MAPK14: variants seen among roughly 807,000 people sequenced by gnomAD.
MAPK14 encodes CSAID-binding protein.
Under a neutral mutation model 49.6 loss-of-function variants are expected in MAPK14, and 16 were observed. The ratio of observed to expected loss-of-function variants is 0.32; its 90% CI spans 0.22 to 0.49. MAPK14 has a LOEUF of 0.49. Among genes scored for constraint, MAPK14 ranks in the 20% least tolerant of loss-of-function variants. MAPK14 has a pLI of 0.99. For synonymous variants in MAPK14, 142 were observed against 158.0 expected, an observed-to-expected ratio of 0.90 and a Z score of 0.76; for missense variants, 200 against 441.2, an observed-to-expected ratio of 0.45 and a Z score of 4.90.
intron 6 of MAPK14, among the ~76,000 whole-genome samples, chr6:36,074,950 G>T (rs1007609216): frequency 6.6e-6 from 1 of 151,884 alleles, no homozygotes; most frequent in Non-Finnish European, 1.5e-5. Context: ...TTTATGGCCA[G>T]GCGTGGTGGC....
chr6:36,064,269 T>TA (rs1763949640), intron 3 of MAPK14, among the ~76,000 whole-genome samples: 3 of 48,654 alleles, frequency 6.2e-5, no homozygotes, highest in Non-Finnish European at 1.5e-4. Flanking sequence ...TGAGCCACCA[T>TA]GCCCCCCCCC....
chr6:36,040,147 G>A (rs1445360692), intron 1 of MAPK14, among the ~76,000 whole-genome samples: 1 of 152,142 alleles, frequency 6.6e-6, no homozygotes, highest in Non-Finnish European at 1.5e-5. Context: ...ATAACCCAGG[G>A]TAATTCAACC....
rs114155931 is a variant in MAPK14, at chr6:36,051,050, G to A, written c.117-1649G>A. Among the ~76,000 whole-genome samples the A allele has an allele frequency of 3.2e-3, 489 of 152,124 alleles. 3 individuals are homozygous for A. Among genetic ancestry groups the A allele is most frequent in the African/African-American group, 0.011 (449 of 41,492 alleles). On this transcript the variant is annotated intron_variant, in intron 1 of 11. Coordinates refer to ENST00000229794, the MANE Select transcript of MAPK14 (RefSeq NM_139012.3). Reference sequence around the variant, plus strand: ...GATGACCAGAAAGTCTTGGATACATGTTAGAGACTGAGACAAACTGGAGGA... The same window carrying A: ...GATGACCAGAAAGTCTTGGATACATATTAGAGACTGAGACAAACTGGAGGA...
In MAPK14 at chr6:36,064,271, C is replaced by CG. The variant is rs770689879; in HGVS notation, c.305+4924_305+4925insG. On this transcript the variant is annotated intron_variant, in intron 3 of 11. Transcript: ENST00000229794. Reference sequence around the variant, plus strand: ...GGGATTACAGATATGAGCCACCATGCCCCCCCCCACCCCTTTTTCTTAACT... The same window carrying CG: ...GGGATTACAGATATGAGCCACCATGCGCCCCCCCCACCCCTTTTTCTTAACT... Among the ~76,000 whole-genome samples, 15 of 8,520 alleles carry CG rather than the reference C, an allele frequency of 1.8e-3. No individual in the cohort carries two copies. The Admixed American group carries it at 0.027, about 15-fold the overall frequency. The allele number at this position is 8,520 out of a possible 152,430, so 5.6% of individuals were successfully genotyped here.
chr6:36,084,906 A>G (rs1764917702), intron 8 of MAPK14, among the ~76,000 whole-genome samples: 1 of 151,144 alleles, frequency 6.6e-6, no homozygotes. Flanking sequence ...TGAAGGAAAA[A>G]ATACTAAGGG....
At chr6:36,084,163 A>G (rs1175739345) in intron 8 of MAPK14, among the ~76,000 whole-genome samples, 1 of 152,212 alleles carries the variant, frequency 6.6e-6, no homozygotes, top group Non-Finnish European at 1.5e-5. Flanking sequence ...CAACATCAAC[A>G]AAAAGGTCCC....
rs1581756168 is a variant in MAPK14, at chr6:36,052,904, G to A, written c.246+76G>A. Reference sequence around the variant, plus strand: ...GAAAAATGTTTTAATTACTGCAGATGGAAATACGCTGGAGTGCATCAAACG... The same window carrying A: ...GAAAAATGTTTTAATTACTGCAGATAGAAATACGCTGGAGTGCATCAAACG... On this transcript the variant is annotated intron_variant, in intron 2 of 11. Transcript: ENST00000229794. The A allele has an allele frequency of 5.2e-6, 7 of 1,345,496 alleles. No individual in the cohort carries two copies. The East Asian group carries it at 1.7e-4, about 33-fold the overall frequency. 83.3% of individuals were successfully genotyped at this position (1,345,496 alleles called of 1,614,324 possible). A position where few individuals can be genotyped will look rare whatever the true frequency, so the allele number is the denominator to read the frequency against.
intron 8 of MAPK14, among the ~76,000 whole-genome samples, chr6:36,093,635 C>T (rs1249474464): frequency 2.1e-5 from 3 of 143,584 alleles, no homozygotes; most frequent in East Asian, 2.2e-4. Context: ...AGGAGAATGG[C>T]GTGAACCTGG....
At chr6:36,075,302 C>T (rs1173629051) in intron 6 of MAPK14, among the ~76,000 whole-genome samples, 1 of 151,230 alleles carries the variant, frequency 6.6e-6, no homozygotes, top group Admixed American at 6.6e-5. Context: ...CTAACTCTGG[C>T]TCCAGGCAAC....
chr6:36,092,056 T>A, intron 8 of MAPK14: 1 of 484,228 alleles, frequency 2.1e-6, no homozygotes, highest in Admixed American at 2.1e-5. Context: ...AGCATGGGAA[T>A]AGACTTTGGC....
rs544666686 is a variant in MAPK14, at chr6:36,064,309, T to G, written c.305+4962T>G. On this transcript the variant is annotated intron_variant, in intron 3 of 11. Coordinates refer to ENST00000229794, the MANE Select transcript of MAPK14 (RefSeq NM_139012.3). The stretch of plus-strand genomic sequence containing the variant: ...CTTTTTCTTAACTGTAGTGGTTCTT[T>G]GCGCAAGCATAGTAGACAAGAATTT... Among the ~76,000 whole-genome samples the G allele has an allele frequency of 2.3e-5, 3 of 133,310 alleles. No individual in the cohort carries two copies. In the Admixed American group the frequency reaches 2.6e-4, roughly 12 times the overall value. The allele number at this position is 133,310 out of a possible 152,430, so 87.5% of individuals were successfully genotyped here. A position where few individuals can be genotyped will look rare whatever the true frequency, so the allele number is the denominator to read the frequency against.
chr6:36,074,944 T>C (rs898526037), intron 6 of MAPK14, among the ~76,000 whole-genome samples: 4 of 150,002 alleles, frequency 2.7e-5, no homozygotes, highest in Non-Finnish European at 5.9e-5. Context: ...AAAAAGTTTA[T>C]GGCCAGGCGT....
At chr6:36,083,806 T>C (rs1764863589) in intron 8 of MAPK14, among the ~76,000 whole-genome samples, 1 of 152,162 alleles carries the variant, frequency 6.6e-6, no homozygotes, top group East Asian at 1.9e-4. Flanking sequence ...GCAGTCTGGA[T>C]GAGTGAGATT....
At chr6:36,111,630 C>T (rs929953600), downstream of MAPK14, among the ~76,000 whole-genome samples, 3 of 152,060 alleles carry the variant, frequency 2.0e-5, no homozygotes, top group Non-Finnish European at 4.4e-5. Flanking sequence ...GATGAAAGAG[C>T]CACGGGGTCT....
chr6:36,052,902 A>G lies in MAPK14; in HGVS notation c.246+74A>G, dbSNP rs1763458203. 8.8e-6 allele frequency: 12 copies of G among 1,367,668 alleles called. No individual in the cohort carries two copies. In the Admixed American group the frequency reaches 9.6e-5, roughly 11 times the overall value. The allele number at this position is 1,367,668 out of a possible 1,614,324, so 84.7% of individuals were successfully genotyped here. The stretch of plus-strand genomic sequence containing the variant: ...GGGAAAAATGTTTTAATTACTGCAG[A>G]TGGAAATACGCTGGAGTGCATCAAA... On this transcript the variant is annotated intron_variant, in intron 2 of 11. Coordinates refer to ENST00000229794, the MANE Select transcript of MAPK14 (RefSeq NM_139012.3).
intron 1 of MAPK14, among the ~76,000 whole-genome samples, chr6:36,046,254 T>C (rs1038988310): frequency 6.6e-6 from 1 of 152,214 alleles, no homozygotes; most frequent in Non-Finnish European, 1.5e-5. Flanking sequence ...TGTGAATTAA[T>C]TTGATAATTT....
At position 36,109,286 on chromosome 6, in the gene MAPK14, G is replaced by A. The variant is rs1765894647; in HGVS notation, c.*839G>A. On this transcript the variant is annotated 3_prime_UTR_variant, in exon 12 of 12. Coordinates refer to ENST00000229794, the MANE Select transcript of MAPK14 (RefSeq NM_139012.3). Reference sequence around the variant, plus strand: ...CTTACCCTTCACCTTTGGTGCAGAGGTTTCTTGAATATCTGCCCCAGTAGT... The same window carrying A: ...CTTACCCTTCACCTTTGGTGCAGAGATTTCTTGAATATCTGCCCCAGTAGT... The A allele has an allele frequency of 6.6e-6, 1 of 152,576 alleles. No individual in the cohort carries two copies. The highest frequency in any genetic ancestry group is 2.4e-5 in the African/African-American group (1 of 41,460). The allele number at this position is 152,576 out of a possible 1,614,324, so 9.5% of individuals were successfully genotyped here.
chr6:36,114,760 G>A (rs1446874226), downstream of MAPK14, among the ~76,000 whole-genome samples: 1 of 152,062 alleles, frequency 6.6e-6, no homozygotes, highest in Non-Finnish European at 1.5e-5. Context: ...AAAAACAGTA[G>A]GTTGAGTAAA....
intron 1 of MAPK14, among the ~76,000 whole-genome samples, chr6:36,033,074 C>G (rs887732440): frequency 2.0e-5 from 3 of 151,944 alleles, no homozygotes; most frequent in African/African-American, 4.8e-5. Context: ...TGACTCCTGA[C>G]CAGTGAGAAG....
Sources: allele counts gnomAD v4.1 joint callset (sites outside exome capture counted in the v4.1 genomes callset), GRCh38; gene constraint gnomAD v4.1.1; transcripts MANE v1.5; gene names NCBI Gene and HGNC (gene_info 2026-07-23, HGNC 2026-07-21).